SMARCC1: variants seen among roughly 807,000 people sequenced by gnomAD.
The protein encoded by SMARCC1 is SWI/SNF related BAF chromatin remodeling complex subunit C1, also known as SWI/SNF complex subunit SMARCC1.
In SMARCC1, 43 loss-of-function variants were observed where a neutral mutation model predicts 147.4. The ratio of observed to expected loss-of-function variants is 0.29; its 90% confidence interval spans 0.23 to 0.38. The LOEUF is 0.38. SMARCC1 is among the 10% of genes least tolerant of loss of function. SMARCC1 has a pLI of 1.00. For synonymous variants in SMARCC1, 495 were observed against 484.4 expected (o/e 1.02, Z -0.29); for missense variants, 1,119 against 1,381.1 (o/e 0.81, Z 3.01).
At chr3:47,684,678 G>C (rs2033699687) in intron 14 of SMARCC1, among the ~76,000 whole-genome samples, 1 of 151,998 alleles carries the variant, frequency 6.6e-6, no homozygotes, top group Non-Finnish European at 1.5e-5. Context: ...GCTGACCTCA[G>C]GTGATCTGCC....
In SMARCC1 at chr3:47,781,862, C is replaced by T; in HGVS notation, c.-65G>A. 1 of 1,123,758 alleles carries T rather than the reference C, an allele frequency of 8.9e-7. No homozygotes were observed. Among genetic ancestry groups the T allele is most frequent in the Non-Finnish European group, 1.1e-6 (1 of 879,560 alleles). The allele number at this position is 1,123,758 out of a possible 1,614,324, so 69.6% of individuals were successfully genotyped here. A position where few individuals can be genotyped will look rare whatever the true frequency, so the allele number is the denominator to read the frequency against. On this transcript the variant is annotated 5_prime_UTR_variant, in exon 1 of 28. Coordinates refer to ENST00000254480, the MANE Select transcript of SMARCC1 (RefSeq NM_003074.4). ...CCCTCGCGGTGTTTCCCGGTCGTTC[C>T]CGCGCGCACCCCCGCGCGCGTAGCC...
At chr3:47,592,742 G>A (rs2032204274) in intron 26 of SMARCC1, among the ~76,000 whole-genome samples, 2 of 152,056 alleles carry the variant, frequency 1.3e-5, no homozygotes, top group Admixed American at 1.3e-4. Context: ...GGAACTACAG[G>A]TGAGCACCAC....
At chr3:47,767,172 G>A (rs1386179953) in intron 2 of SMARCC1, among the ~76,000 whole-genome samples, 3 of 106,694 alleles carry the variant, frequency 2.8e-5, no homozygotes, top group African/African-American at 1.1e-4. Flanking sequence ...AACAGAGCAT[G>A]ATTCTGTCTC....
chr3:47,738,192 T>C (rs972658777), intron 3 of SMARCC1, 82 bp from the exon 4 acceptor site: 5 of 834,058 alleles, frequency 6.0e-6, no homozygotes, highest in Admixed American at 6.0e-5. Context: ...TCGATGCAAA[T>C]GAGTTAGAAA....
rs1279127057 is a variant in SMARCC1, at chr3:47,744,693, T to G, written c.401+1215A>C. Among the ~76,000 whole-genome samples the G allele has an allele frequency of 3.9e-5, 6 of 152,042 alleles. No individual in the cohort carries two copies. In the East Asian group the frequency reaches 1.2e-3, roughly 29 times the overall value. The stretch of plus-strand genomic sequence containing the variant: ...ACAATATACTCCACTCCCCCAACCC[T>G]ACCCTGTGAACTATGTCCCTGACAA... On this transcript the variant is annotated intron_variant, in intron 3 of 27. Coordinates refer to ENST00000254480, the MANE Select transcript of SMARCC1 (RefSeq NM_003074.4).
intron 25 of SMARCC1, among the ~76,000 whole-genome samples, chr3:47,621,169 G>A (rs1266627681): frequency 1.3e-5 from 2 of 151,834 alleles, no homozygotes; most frequent in Admixed American, 6.5e-5. Flanking sequence ...GCGTGGTGGC[G>A]TGCGCCTGTA....
rs1450782131 is a variant in SMARCC1, at chr3:47,682,407, T to C, written c.1386-1899A>G. Among the ~76,000 whole-genome samples the C allele has an allele frequency of 2.0e-5, 3 of 152,004 alleles. No individual in the cohort carries two copies. In the East Asian group the frequency reaches 5.8e-4, roughly 29 times the overall value. On this transcript the variant is annotated intron_variant, in intron 14 of 27. Coordinates refer to ENST00000254480, the MANE Select transcript of SMARCC1 (RefSeq NM_003074.4). ...AATCTTTCTGCCCCAGCCTCCAGGA[T>C]AGCCGGGACTACAGGCATGTGCCAT...
chr3:47,595,213 G>A (rs1162673830), intron 26 of SMARCC1, among the ~76,000 whole-genome samples: 5 of 151,972 alleles, frequency 3.3e-5, no homozygotes, highest in Non-Finnish European at 5.9e-5. Flanking sequence ...GTTTGTGTAC[G>A]GGTTAAAAAA....
At chr3:47,664,549 G>A (rs1000506503) in intron 19 of SMARCC1, among the ~76,000 whole-genome samples, 8 of 152,148 alleles carry the variant, frequency 5.3e-5, no homozygotes, top group African/African-American at 1.9e-4. Context: ...AGGAGTCTCC[G>A]AGGGAAAAAC....
intron 1 of SMARCC1, among the ~76,000 whole-genome samples, chr3:47,774,121 G>A (rs1174860770): frequency 2.6e-5 from 4 of 151,856 alleles, no homozygotes; most frequent in African/African-American, 9.7e-5. Flanking sequence ...AGTGGTGTAT[G>A]GTCAAAATTA....
Position 47,638,751 on chromosome 3 carries a change from C to A in SMARCC1, c.2350G>T (p.Asp784Tyr), listed in dbSNP as rs565054766. The A allele has an allele frequency of 6.2e-7, 1 of 1,613,504 alleles. No homozygotes were observed. Among genetic ancestry groups the A allele is most frequent in the South Asian group, 1.1e-5 (1 of 91,060 alleles). Residue 784 changes from aspartate to tyrosine, a missense_variant, in exon 22 of 28, where the codon GAC (aspartate) becomes TAC (tyrosine). Physicochemically the swap from Asp to Tyr is radical, Grantham distance 160. Coordinates refer to ENST00000254480, the MANE Select transcript of SMARCC1 (RefSeq NM_003074.4). ...EGAEEEKMEADPDGQQPEKAE... is the reference protein window; with the variant it reads ...EGAEEEKMEAYPDGQQPEKAE... Reference sequence around the variant, plus strand: ...TTTTCAGGCTGCTGACCATCAGGGTCGGCTTCCATTTTTTCCTCTTCAGCT... The same window carrying A: ...TTTTCAGGCTGCTGACCATCAGGGTAGGCTTCCATTTTTTCCTCTTCAGCT...
chr3:47,723,961 A>AT (rs1250727886), intron 6 of SMARCC1, among the ~76,000 whole-genome samples: 1 of 152,264 alleles, frequency 6.6e-6, no homozygotes, highest in Non-Finnish European at 1.5e-5. Flanking sequence ...AAACAATGAT[A>AT]TATCAGCTTT....
intron 1 of SMARCC1, among the ~76,000 whole-genome samples, chr3:47,774,236 C>CTT (rs35831016): frequency 5.3e-5 from 6 of 113,414 alleles, no homozygotes; most frequent in African/African-American, 1.8e-4. Context: ...CAATCATTTA[C>CTT]TTTTTTTTTT....
chr3:47,727,662 C>A (rs756018372), intron 6 of SMARCC1, among the ~76,000 whole-genome samples: 2 of 151,564 alleles, frequency 1.3e-5, no homozygotes. Context: ...CTTGCCCGGG[C>A]TAGAGCGCAG....
At chr3:47,597,130 G>A (rs1468724685) in intron 26 of SMARCC1, among the ~76,000 whole-genome samples, 28 of 145,790 alleles carry the variant, frequency 1.9e-4, no homozygotes, top group Admixed American at 1.4e-4. Context: ...TAGCCTGGGC[G>A]ACAGGGCGAG....
At position 47,680,608 on chromosome 3, in the gene SMARCC1, C is replaced by T. The variant is rs11928873; in HGVS notation, c.1386-100G>A. The T allele has an allele frequency of 5.0e-3, 3,011 of 597,542 alleles. 101 individuals carry two copies. The African/African-American group carries it at 0.065, about 13-fold the overall frequency. 37.0% of individuals were successfully genotyped at this position (597,542 alleles called of 1,614,324 possible). A position where few individuals can be genotyped will look rare whatever the true frequency, so the allele number is the denominator to read the frequency against. On this transcript the variant is annotated intron_variant, in intron 14 of 27. Transcript: ENST00000254480. ...TGTCGCCCAGGCTGGAGTGCAGTGG[C>T]GGGATCTCGGCTCACTGCAAGCTCC...
chr3:47,681,816 C>T (rs1229712283), intron 14 of SMARCC1, among the ~76,000 whole-genome samples: 2 of 151,840 alleles, frequency 1.3e-5, no homozygotes, highest in East Asian at 1.9e-4. Flanking sequence ...AAAGAATAAC[C>T]GTAAGGAACT....
chr3:47,659,954 A>C (rs1559637362), intron 21 of SMARCC1, among the ~76,000 whole-genome samples: 1 of 152,178 alleles, frequency 6.6e-6, no homozygotes, highest in Non-Finnish European at 1.5e-5. Context: ...AATGTTATAC[A>C]TTACGGGTAA....
Position 47,781,811 on chromosome 3 carries a change from C to G in SMARCC1, c.-14G>C. The G allele has an allele frequency of 4.3e-6, 6 of 1,409,356 alleles. No individual in the cohort carries two copies. The highest frequency in any genetic ancestry group is 4.6e-6 in the Non-Finnish European group (5 of 1,083,284). The allele number at this position is 1,409,356 out of a possible 1,614,324, so 87.3% of individuals were successfully genotyped here. On this transcript the variant is annotated 5_prime_UTR_variant, in exon 1 of 28. Transcript: ENST00000254480. ...CGCTGCGGCCATCGTCGCAGCCCGT[C>G]GTCCCCACAGCCTGGCCCACCCCGG...
Sources: gnomAD v4.1 joint callset for allele counts (sites outside exome capture counted in the v4.1 genomes callset) on GRCh38, gnomAD v4.1.1 for gene constraint, MANE v1.5 for transcripts, NCBI Gene and HGNC (gene_info 2026-07-23, HGNC 2026-07-21) for gene names.